The following PTPRO variants were observed in gnomAD, a reference collection of about 807,000 sequenced individuals.
PTPRO encodes receptor-type tyrosine-protein phosphatase O.
In PTPRO, 62 loss-of-function variants were observed where a neutral mutation model predicts 145.2. That is an observed-to-expected ratio of 0.43 (90% CI 0.35 to 0.53). PTPRO has a LOEUF of 0.53. PTPRO is among the 20% of genes least tolerant of loss of function. The pLI, the probability that PTPRO is intolerant of heterozygous loss-of-function variation, is 0.01. For synonymous variants in PTPRO, 565 were observed against 514.7 expected (o/e 1.10, Z -1.32); for missense variants, 1,345 against 1,482.7 (o/e 0.91, Z 1.53).
At chr12:15,376,017 C>A (rs1938676598) in intron 1 of PTPRO, among the ~76,000 whole-genome samples, 1 of 152,176 alleles carries the variant, frequency 6.6e-6, no homozygotes, top group African/African-American at 2.4e-5. Context: ...GGGACACCAT[C>A]AAGCATATCA....
intron 1 of PTPRO, among the ~76,000 whole-genome samples, chr12:15,444,097 C>A (rs1350416091): frequency 2.0e-5 from 3 of 151,892 alleles, no homozygotes; most frequent in Non-Finnish European, 4.4e-5. Context: ...GGCCTATCAG[C>A]AGTGGAATGG....
At chr12:15,369,962 G>A (rs1266431540) in intron 1 of PTPRO, among the ~76,000 whole-genome samples, 3 of 152,146 alleles carry the variant, frequency 2.0e-5, no homozygotes, top group African/African-American at 4.8e-5. Flanking sequence ...TGAGACAGGA[G>A]AATTGCTTGA....
At chr12:15,528,838 C>CA (rs1942898762) in intron 12 of PTPRO, among the ~76,000 whole-genome samples, 1 of 151,980 alleles carries the variant, frequency 6.6e-6, no homozygotes, top group South Asian at 2.1e-4. Flanking sequence ...ACAAACTGTA[C>CA]AGGCCATGAG....
At chr12:15,521,777 C>A (rs1391365374) in intron 10 of PTPRO, among the ~76,000 whole-genome samples, 1 of 152,006 alleles carries the variant, frequency 6.6e-6, no homozygotes, top group Non-Finnish European at 1.5e-5. Flanking sequence ...TAAGGGGGAA[C>A]AAAAGAAATG....
chr12:15,581,587 T>C (rs1404826643), intron 22 of PTPRO, 92 bp from the exon 23 acceptor site: 9 of 1,456,524 alleles, frequency 6.2e-6, no homozygotes, highest in Middle Eastern at 1.9e-4. Flanking sequence ...TCTAATTCTT[T>C]AGAGGCGAAT....
intron 1 of PTPRO, among the ~76,000 whole-genome samples, chr12:15,425,661 T>C (rs1299730019): frequency 6.6e-6 from 1 of 152,182 alleles, no homozygotes; most frequent in Non-Finnish European, 1.5e-5. Context: ...CCTTCTCAAA[T>C]GTTACATTAT....
At chr12:15,329,032 G>A (rs1417150183) in intron 1 of PTPRO, among the ~76,000 whole-genome samples, 2 of 152,152 alleles carry the variant, frequency 1.3e-5, no homozygotes, top group African/African-American at 4.8e-5. Flanking sequence ...TCAGATAACT[G>A]AGACTTTGTT....
Position 15,578,884 on chromosome 12 carries a change from A to G in PTPRO, c.2861A>G (p.His954Arg), listed in dbSNP as rs1342218292. 6.2e-7 allele frequency: 1 copy of G among 1,606,480 alleles called. No individual in the cohort carries two copies. The highest frequency in any genetic ancestry group is 1.3e-5 in the African/African-American group (1 of 74,764). Residue 954 changes from histidine to arginine, a missense_variant, in exon 20 of 27, where the codon CAC becomes CGC. His to Arg is a conservative substitution (Grantham distance 29). Transcript: ENST00000281171. ...AAATTGATTGGACTGGATATCCCAC[A>G]CTTTGCTGCAGATCTTCCACTGAAT... ...ELKLIGLDIP[H>R]FAADLPLNRC...
At chr12:15,375,760 CAAAAAAAA>C (rs529757376) in intron 1 of PTPRO, among the ~76,000 whole-genome samples, 2 of 84,664 alleles carry the variant, frequency 2.4e-5, no homozygotes, top group Non-Finnish European at 4.8e-5. Context: ...TGTCCCCCAC[CAAAAAAAA>C]AAAAAAAAAA....
intron 10 of PTPRO, among the ~76,000 whole-genome samples, chr12:15,522,001 G>T (rs1201265609): frequency 6.6e-6 from 1 of 152,060 alleles, no homozygotes; most frequent in African/African-American, 2.4e-5. Context: ...CTTTTCCTGG[G>T]TCAAATAAAT....
intron 9 of PTPRO, among the ~76,000 whole-genome samples, chr12:15,518,577 G>C (rs1443687023): frequency 1.4e-4 from 22 of 152,120 alleles, no homozygotes; most frequent in Non-Finnish European, 2.9e-5. Flanking sequence ...AAACTTTTAT[G>C]CTCTGTTTCC....
At chr12:15,536,753 T>C (rs925335413) in intron 12 of PTPRO, among the ~76,000 whole-genome samples, 1 of 152,216 alleles carries the variant, frequency 6.6e-6, no homozygotes, top group African/African-American at 2.4e-5. Flanking sequence ...GCAACTCTTA[T>C]GGATTATTTA....
At chr12:15,404,105 A>T (rs1442514721) in intron 1 of PTPRO, among the ~76,000 whole-genome samples, 2 of 147,866 alleles carry the variant, frequency 1.4e-5, no homozygotes, top group Non-Finnish European at 3.0e-5. Flanking sequence ...CTGAGGCAGG[A>T]GAATGCCTGG....
In PTPRO at chr12:15,569,567, C is replaced by T. The variant is rs1020480417; in HGVS notation, c.2829+69C>T. 4.6e-5 allele frequency: 62 copies of T among 1,360,622 alleles called. No individual in the cohort carries two copies. In the East Asian group the frequency reaches 5.1e-4, roughly 11 times the overall value. The allele number at this position is 1,360,622 out of a possible 1,614,324, so 84.3% of individuals were successfully genotyped here. ...CCTGGGAATTGGGGGGTTTGTGTTG[C>T]GGTCATGTCCCTGCTCACTGGCAGT... On this transcript the variant is annotated intron_variant, in intron 19 of 26. Coordinates refer to ENST00000281171, the MANE Select transcript of PTPRO (RefSeq NM_030667.3).
intron 12 of PTPRO, among the ~76,000 whole-genome samples, chr12:15,527,071 G>A (rs117540655): frequency 6.6e-6 from 1 of 151,972 alleles, no homozygotes; most frequent in Non-Finnish European, 1.5e-5. Context: ...TTTATAAATG[G>A]CAGCATAGAA....
intron 10 of PTPRO, among the ~76,000 whole-genome samples, chr12:15,521,224 T>C (rs1942713792): frequency 1.3e-5 from 2 of 151,156 alleles, no homozygotes; most frequent in African/African-American, 4.9e-5. Context: ...TTGAAATGTA[T>C]GAGAAAAAAA....
intron 1 of PTPRO, among the ~76,000 whole-genome samples, chr12:15,363,384 C>T (rs1207948231): frequency 1.3e-5 from 2 of 152,106 alleles, no homozygotes; most frequent in African/African-American, 4.8e-5. Flanking sequence ...ATTAAACATA[C>T]CTCCTTCAAC....
At chr12:15,506,908 A>G (rs1295570914) in intron 6 of PTPRO, among the ~76,000 whole-genome samples, 1 of 152,148 alleles carries the variant, frequency 6.6e-6, no homozygotes, top group East Asian at 1.9e-4. Flanking sequence ...ACCACTAATA[A>G]TGACCAAACT....
chr12:15,351,995 A>C (rs1417560023), intron 1 of PTPRO, among the ~76,000 whole-genome samples: 2 of 152,208 alleles, frequency 1.3e-5, no homozygotes, highest in Non-Finnish European at 2.9e-5. Flanking sequence ...TAGACAATGC[A>C]AACACATAAT....
Sources: allele counts gnomAD v4.1 joint callset (sites outside exome capture counted in the v4.1 genomes callset), GRCh38; gene constraint gnomAD v4.1.1; transcripts MANE v1.5; gene names NCBI Gene and HGNC (gene_info 2026-07-23, HGNC 2026-07-21).